The following RSPH6A variants were observed in gnomAD, a reference collection of about 807,000 sequenced individuals.
RSPH6A encodes the protein radial spoke head 6 homolog A, also known as radial spoke head protein 6 homolog A.
A neutral mutation model predicts 66.1 loss-of-function variants in RSPH6A; 49 were observed. The observed-to-expected ratio is 0.74, with a 90% confidence interval of 0.59 to 0.94. The LOEUF is 0.94. Among genes scored for constraint, RSPH6A ranks in the 40% least tolerant of loss-of-function variants. RSPH6A has a pLI of 0.00. For synonymous variants in RSPH6A, 419 were observed against 402.4 expected, an observed-to-expected ratio of 1.04 and a Z score of -0.49; for missense variants, 977 against 948.3, an observed-to-expected ratio of 1.03 and a Z score of -0.40.
At chr19:45,797,133 T>G (rs1047825149) in intron 5 of RSPH6A, among the ~76,000 whole-genome samples, 1 of 151,552 alleles carries the variant, frequency 6.6e-6, no homozygotes, top group Non-Finnish European at 1.5e-5. Flanking sequence ...TCCCAGCACT[T>G]TGGGAGGCCG....
intron 4 of RSPH6A, among the ~76,000 whole-genome samples, chr19:45,801,903 G>T (rs1033439881): frequency 2.6e-5 from 4 of 152,034 alleles, no homozygotes; most frequent in Admixed American, 6.6e-5. Context: ...AACTCAAAAG[G>T]CCATATCCTA....
chr19:45,814,871 A>T lies in RSPH6A; in HGVS notation c.306T>A (p.Pro102=), dbSNP rs560770177. 1 of 1,614,032 alleles carries T rather than the reference A, an allele frequency of 6.2e-7. No individual in the cohort carries two copies. The highest frequency in any genetic ancestry group is 1.3e-5 in the African/African-American group (1 of 75,038). The change falls in exon 1 of 6, where the codon CCT becomes CCA. Residue 102 remains proline (P), a synonymous_variant. Transcript: ENST00000221538. ...CCTGCATCCTGCTTTCATCAGAGTAAGGCTGAGGCTGGAACTCTGAGGGAA... is the reference window on the plus strand; with the variant it reads ...CCTGCATCCTGCTTTCATCAGAGTATGGCTGAGGCTGGAACTCTGAGGGAA... ...TGFPSEFQPQ[P]YSDESRMQVA...
rs1326864855 is a variant in RSPH6A at position 45,810,738 on chromosome 19, C to A, written c.753G>T (p.Trp251Cys). 1.9e-6 allele frequency: 3 copies of A among 1,614,156 alleles called. No individual in the cohort carries two copies. Among genetic ancestry groups the A allele is most frequent in the Admixed American group, 1.7e-5 (1 of 60,020 alleles). The change falls in exon 2 of 6, where the codon TGG (tryptophan) becomes TGT (cysteine). Residue 251 changes from tryptophan to cysteine, a missense_variant. Transcript: ENST00000221538. ...ESLNRTTQWE[W>C]FHPKLDTLRD... is the part of the protein sequence containing the mutation. ...GCAGCGTGTCCAGCTTGGGGTGGAACCACTCCCACTGCGTGGTGCGGTTCA... is the reference window on the plus strand; with the variant it reads ...GCAGCGTGTCCAGCTTGGGGTGGAAACACTCCCACTGCGTGGTGCGGTTCA...
intron 2 of RSPH6A, among the ~76,000 whole-genome samples, chr19:45,808,280 T>C (rs1295533038): frequency 6.6e-6 from 1 of 152,024 alleles, no homozygotes; most frequent in Admixed American, 6.6e-5. Context: ...TACAACAAAT[T>C]AGCCAGGCGT....
At position 45,814,626 on chromosome 19, in the gene RSPH6A, T is replaced by A; in HGVS notation, c.551A>T (p.His184Leu). The A allele has an allele frequency of 6.2e-7, 1 of 1,601,182 alleles. No individual in the cohort carries two copies. Among genetic ancestry groups the A allele is most frequent in the Non-Finnish European group, 8.5e-7 (1 of 1,173,526 alleles). Reference sequence around the variant, plus strand: ...GGGCTCAGGCACCTGGGCACTGTAGTGTGGGAAGCCCAGCTCAGAGGGCAA... The same window carrying A: ...GGGCTCAGGCACCTGGGCACTGTAGAGTGGGAAGCCCAGCTCAGAGGGCAA... ...QFLPSELGFP[H>L]YSAQVPEPEP... The change falls in exon 1 of 6, where the codon CAC (histidine) becomes CTC (leucine). Residue 184 changes from histidine (H) to leucine (L), a missense_variant. By Grantham distance (99) the His-to-Leu change is moderately conservative. Transcript: ENST00000221538.
At chr19:45,799,909 T>A (rs1970449155) in intron 5 of RSPH6A, among the ~76,000 whole-genome samples, 1 of 152,152 alleles carries the variant, frequency 6.6e-6, no homozygotes, top group East Asian at 1.9e-4. Context: ...TAGCCAGGCA[T>A]GGTGGCATGC....
chr19:45,799,539 T>A (rs1970444338), intron 5 of RSPH6A, among the ~76,000 whole-genome samples: 1 of 151,474 alleles, frequency 6.6e-6, no homozygotes, highest in African/African-American at 2.4e-5. Context: ...ATTTTAAAAA[T>A]TTTTTTAATT....
At chr19:45,796,142 CA>C (rs1970406947) in intron 5 of RSPH6A, 36 bp from the exon 6 acceptor site, 2 of 1,332,238 alleles carry the variant, frequency 1.5e-6, no homozygotes, top group Non-Finnish European at 2.0e-6. Context: ...AATTCTCCCT[CA>C]AAGGCCCCAG....
chr19:45,809,032 C>T (rs1251796925), intron 2 of RSPH6A, among the ~76,000 whole-genome samples: 7 of 126,510 alleles, frequency 5.5e-5, no homozygotes, highest in African/African-American at 1.2e-4. Flanking sequence ...GACGGAGTCT[C>T]GCTCTTTTGC....
In RSPH6A at chr19:45,804,429, C is replaced by T. The variant is rs373606760; in HGVS notation, c.1476G>A (p.Thr492=). 25 of 1,614,138 alleles carry T rather than the reference C, an allele frequency of 1.5e-5. No individual in the cohort carries two copies. The highest frequency in any genetic ancestry group is 5.3e-5 in the African/African-American group (4 of 75,042). Reference sequence around the variant, plus strand: ...GGTAGAAGCCCAGCGGGCTGACCTGCGTGGCGGCCGAGATGCGGGCTATCT... The same window carrying T: ...GGTAGAAGCCCAGCGGGCTGACCTGTGTGGCGGCCGAGATGCGGGCTATCT... ...RAQIARISAA[T]QVSPLGFYQF... Residue 492 remains threonine, a synonymous_variant, in exon 3 of 6, where the codon ACG becomes ACA. Coordinates refer to ENST00000221538, the MANE Select transcript of RSPH6A (RefSeq NM_030785.4). The surrounding 1 kb of genome is among the most constrained non-coding windows in gnomAD (Gnocchi z 5.8).
At chr19:45,811,614 A>AT (rs1397614614) in intron 1 of RSPH6A, among the ~76,000 whole-genome samples, 2 of 149,726 alleles carry the variant, frequency 1.3e-5, no homozygotes, top group Non-Finnish European at 3.0e-5. Flanking sequence ...ATTTTTTTGT[A>AT]TTTTTTGTAG....
chr19:45,814,434 T>C lies in RSPH6A; in HGVS notation c.650+93A>G, dbSNP rs1401079253. ...AGAGTCACTGGTTTTCCATGAGGGA[T>C]GATCCCTTGTCTGACTGACTGAGGC... On this transcript the variant is annotated intron_variant, in intron 1 of 5. Coordinates refer to ENST00000221538, the MANE Select transcript of RSPH6A (RefSeq NM_030785.4). 3.4e-6 allele frequency: 4 copies of C among 1,180,952 alleles called. No homozygotes were observed. The African/African-American group carries it at 4.6e-5, about 14-fold the overall frequency. 73.2% of individuals were successfully genotyped at this position (1,180,952 alleles called of 1,614,324 possible).
At chr19:45,814,348 A>C (rs546964879) in intron 1 of RSPH6A, among the ~76,000 whole-genome samples, 179 bp downstream of exon 1, 1 of 152,332 alleles carries the variant, frequency 6.6e-6, no homozygotes, top group Non-Finnish European at 1.5e-5. Flanking sequence ...GTGCAGTGCC[A>C]GCACATGTCT....
chr19:45,814,700 T>C lies in RSPH6A; in HGVS notation c.477A>G (p.Glu159=), dbSNP rs777031329. Residue 159 remains glutamate, a synonymous_variant, in exon 1 of 6, where the codon GAA becomes GAG. Transcript: ENST00000221538. ...FNLYQTDQFS[E]GAQHGPYIRD... is the part of the protein sequence containing the mutation. Reference sequence around the variant, plus strand: ...TTATGTAAGGCCCGTGCTGGGCACCTTCAGAGAACTGGTCTGTCTGGTAGA... The same window carrying C: ...TTATGTAAGGCCCGTGCTGGGCACCCTCAGAGAACTGGTCTGTCTGGTAGA... 2 of 1,613,032 alleles carry C rather than the reference T, an allele frequency of 1.2e-6. No individual in the cohort carries two copies. The highest frequency in any genetic ancestry group is 2.2e-5 in the South Asian group (2 of 90,896).
chr19:45,811,743 G>GTATTATTAATTAT (rs755013855), intron 1 of RSPH6A, among the ~76,000 whole-genome samples: 21 of 118,464 alleles, frequency 1.8e-4, no homozygotes, highest in Admixed American at 4.8e-4. Context: ...GCCAACATTT[G>GTATTATTAATTAT]TATTATTATT....
chr19:45,814,303 G>T (rs1348681038), intron 1 of RSPH6A, among the ~76,000 whole-genome samples: 4 of 152,226 alleles, frequency 2.6e-5, no homozygotes, highest in Admixed American at 1.3e-4. Flanking sequence ...AGGATGAGCT[G>T]ATGTGCTCAT....
intron 2 of RSPH6A, among the ~76,000 whole-genome samples, chr19:45,809,066 A>C: frequency 6.8e-6 from 1 of 146,070 alleles, no homozygotes. Context: ...CAGTGGTGCA[A>C]TCTCAGCTCA....
In RSPH6A at chr19:45,804,726, C is replaced by T; in HGVS notation, c.1179G>A (p.Glu393=). The T allele has an allele frequency of 6.2e-7, 1 of 1,613,206 alleles. No homozygotes were observed. The highest frequency in any genetic ancestry group is 8.5e-7 in the Non-Finnish European group (1 of 1,179,686). The change falls in exon 3 of 6, where the codon GAG becomes GAA. Residue 393 remains glutamate (E), a synonymous_variant. Coordinates refer to ENST00000221538, the MANE Select transcript of RSPH6A (RefSeq NM_030785.4). This position sits in a 1 kb window ranked among gnomAD's most constrained non-coding sequence, Gnocchi z 5.8. ...VMEAHGEEEG[E]EDEEKAVDIV... Reference sequence around the variant, plus strand: ...TGTCCACGGCCTTCTCCTCGTCCTCCTCGCCCTCCTCCTCGCCGTGCGCCT... The same window carrying T: ...TGTCCACGGCCTTCTCCTCGTCCTCTTCGCCCTCCTCCTCGCCGTGCGCCT...
intron 3 of RSPH6A, among the ~76,000 whole-genome samples, chr19:45,803,196 G>C (rs1429821425): frequency 8.7e-5 from 12 of 137,942 alleles, no homozygotes; most frequent in Admixed American, 2.2e-4. Context: ...GCAATAGAGC[G>C]AGACTCCGTC....
Sources: gnomAD v4.1 joint callset for allele counts (sites outside exome capture counted in the v4.1 genomes callset) on GRCh38, gnomAD v4.1.1 for gene constraint, Gnocchi (gnomAD v3.1) non-coding constraint, MANE v1.5 for transcripts, NCBI Gene and HGNC (gene_info 2026-07-23, HGNC 2026-07-21) for gene names.